Variants in ZNF841 observed in about 807,000 individuals in gnomAD.
The protein encoded by ZNF841 is TCONS_00006091.
Under a neutral mutation model 13.0 loss-of-function variants are expected in ZNF841, and 11 were observed. That is an observed-to-expected ratio of 0.85 (90% CI 0.53 to 1.40). The LOEUF is 1.40. Ranked by LOEUF, ZNF841 falls within the 40% of genes most tolerant of loss-of-function variation. The pLI is 0.00. For synonymous variants in ZNF841, 369 were observed against 381.6 expected, an observed-to-expected ratio of 0.97 and a Z score of 0.38; for missense variants, 1,068 against 1,139.5, an observed-to-expected ratio of 0.94 and a Z score of 0.90.
rs369375964 is a variant in ZNF841, at chr19:52,088,141, C to T, written c.-78+796G>A. ...ATGATTCCTGCACTCCCAAAAGACC[C>T]CGCAGAAGTCACCATGAAAAGTGCT... On this transcript the variant is annotated intron_variant, in intron 3 of 6. Transcript: ENST00000594440. Among the ~76,000 whole-genome samples the T allele has an allele frequency of 2.0e-4, 31 of 152,080 alleles. No homozygotes were observed. In the South Asian group the frequency reaches 2.3e-3, roughly 11 times the overall value.
In ZNF841 at chr19:52,084,836, G is replaced by T; in HGVS notation, c.-35C>A. Reference sequence around the variant, plus strand: ...CTTTTCTTTCTTCTTTCTCTCCTGGGCCTCTCTCTCAGTCAATATAATTAA... The same window carrying T: ...CTTTTCTTTCTTCTTTCTCTCCTGGTCCTCTCTCTCAGTCAATATAATTAA... On this transcript the variant is annotated 5_prime_UTR_variant, in exon 4 of 7. Coordinates refer to ENST00000594440, the MANE Select transcript of ZNF841 (RefSeq NM_001136499.2). The T allele has an allele frequency of 6.2e-7, 1 of 1,605,906 alleles. No individual in the cohort carries two copies. The highest frequency in any genetic ancestry group is 8.5e-7 in the Non-Finnish European group (1 of 1,176,272).
intron 1 of ZNF841, among the ~76,000 whole-genome samples, chr19:52,094,900 T>C (rs1277389409): frequency 6.6e-6 from 1 of 152,148 alleles, no homozygotes; most frequent in East Asian, 1.9e-4. Flanking sequence ...CTGCTACTTT[T>C]TCCATCCGTT....
At position 52,093,407 on chromosome 19, in the gene ZNF841, A is replaced by T. The variant is rs558002961; in HGVS notation, c.-144+439T>A. Among the ~76,000 whole-genome samples the T allele has an allele frequency of 4.6e-5, 7 of 152,334 alleles. No homozygotes were observed. The South Asian group carries it at 1.0e-3, about 23-fold the overall frequency. ...CTGTATGACCTCACAAGTGGAATCT[A>T]AAAAAGTCCAATTGATAGTAACAGG... On this transcript the variant is annotated intron_variant, in intron 2 of 6. Coordinates refer to ENST00000594440, the MANE Select transcript of ZNF841 (RefSeq NM_001136499.2).
chr19:52,078,330 C>T (rs2087974393), intron 4 of ZNF841, among the ~76,000 whole-genome samples: 1 of 152,018 alleles, frequency 6.6e-6, no homozygotes, highest in East Asian at 1.9e-4. Flanking sequence ...CACAGAAGCA[C>T]ACACATAATA....
intron 2 of ZNF841, among the ~76,000 whole-genome samples, chr19:52,093,099 G>A (rs1358231140): frequency 6.6e-6 from 1 of 152,174 alleles, no homozygotes; most frequent in Non-Finnish European, 1.5e-5. Flanking sequence ...CTGGACAACA[G>A]GGTGAGGCTC....
At chr19:52,091,022 A>G (rs2088480165) in intron 2 of ZNF841, among the ~76,000 whole-genome samples, 1 of 152,182 alleles carries the variant, frequency 6.6e-6, no homozygotes, top group Non-Finnish European at 1.5e-5. Flanking sequence ...TTTACTCAAT[A>G]AATATGAAGG....
chr19:52,063,043 T>C (rs915043644), downstream of ZNF841, among the ~76,000 whole-genome samples: 52 of 151,860 alleles, frequency 3.4e-4, no homozygotes, highest in Non-Finnish European at 2.2e-4. Flanking sequence ...GCCTGGCTAA[T>C]TATTTGTATT....
intron 4 of ZNF841, among the ~76,000 whole-genome samples, chr19:52,080,160 C>G (rs2088051608): frequency 6.6e-6 from 1 of 152,000 alleles, no homozygotes; most frequent in South Asian, 2.1e-4. Context: ...GCATATATAC[C>G]ATGGCACTTA....
In ZNF841 at chr19:52,064,787, C is replaced by T. The variant is rs916352095; in HGVS notation, c.*320G>A. 6.9e-5 allele frequency: 12 copies of T among 173,782 alleles called. No individual in the cohort carries two copies. The East Asian group carries it at 1.4e-3, about 20-fold the overall frequency. The allele number at this position is 173,782 out of a possible 1,614,324, so 10.8% of individuals were successfully genotyped here. ...TAGCTGGTACTACCAGTACCCGCCACGAAGCCCAGCTAATTTTTGTATTTT... is the reference window on the plus strand; with the variant it reads ...TAGCTGGTACTACCAGTACCCGCCATGAAGCCCAGCTAATTTTTGTATTTT... On this transcript the variant is annotated 3_prime_UTR_variant, in exon 7 of 7. Transcript: ENST00000594440.
downstream of ZNF841, among the ~76,000 whole-genome samples, chr19:52,064,172 G>A (rs542359762): frequency 2.6e-5 from 4 of 151,102 alleles, no homozygotes; most frequent in South Asian, 4.2e-4. Flanking sequence ...GTGAAACCCC[G>A]TCTCTACTAA....
rs757542122 is a variant in ZNF841 at position 52,066,879 on chromosome 19, G to C, written c.1003C>G (p.His335Asp). The change falls in exon 7 of 7, where the codon CAC (histidine) becomes GAC (aspartate). Residue 335 changes from histidine (H) to aspartate (D), a missense_variant. Physicochemically the swap from His to Asp is moderately conservative, Grantham distance 81. Coordinates refer to ENST00000594440, the MANE Select transcript of ZNF841 (RefSeq NM_001136499.2). ...TTGTCTCCAGTGTGACTTCTCCGGT[G>C]ATTTACAAGATCTGAATTTTGTCTG... The part of the protein sequence containing the change: ...IFRQNSDLVN[H>D]RRSHTGDKPY... 1.2e-6 allele frequency: 2 copies of C among 1,614,028 alleles called. No individual in the cohort carries two copies. Among genetic ancestry groups the C allele is most frequent in the Non-Finnish European group, 1.7e-6 (2 of 1,180,034 alleles).
intron 2 of ZNF841, among the ~76,000 whole-genome samples, chr19:52,092,977 G>A (rs533258932): frequency 1.3e-5 from 2 of 152,176 alleles, no homozygotes; most frequent in Non-Finnish European, 2.9e-5. Context: ...AAAGCTGGGC[G>A]TGGTGGCGGG....
At chr19:52,070,319 CAAG>C (rs1326416863) in intron 6 of ZNF841, among the ~76,000 whole-genome samples, 1 of 152,120 alleles carries the variant, frequency 6.6e-6, no homozygotes, top group Non-Finnish European at 1.5e-5. Context: ...GAATAAAAGA[CAAG>C]AGACAAAAGA....
Position 52,076,126 on chromosome 19 carries a change from C to T in ZNF841, c.189G>A (p.Gly63=). The T allele has an allele frequency of 1.3e-6, 2 of 1,557,254 alleles. No individual in the cohort carries two copies. The highest frequency in any genetic ancestry group is 8.7e-7 in the Non-Finnish European group (1 of 1,149,786). Residue 63 remains glycine, a synonymous_variant, in exon 6 of 7, where the codon GGG becomes GGA. Coordinates refer to ENST00000594440, the MANE Select transcript of ZNF841 (RefSeq NM_001136499.2). ...GGCTCACCACAGTCCAGGGCTCTTTCCCTTGCTCCAACATGGAGATAATAT... is the reference window on the plus strand; with the variant it reads ...GGCTCACCACAGTCCAGGGCTCTTTTCCTTGCTCCAACATGGAGATAATAT... ...DLNIISMLEQ[G]KEPWTVVSQV...
At position 52,065,551 on chromosome 19, in the gene ZNF841, G is replaced by C. The variant is rs2087521881; in HGVS notation, c.2331C>G (p.Arg777=). 4 of 1,613,788 alleles carry C rather than the reference G, an allele frequency of 2.5e-6. No homozygotes were observed. Among genetic ancestry groups the C allele is most frequent in the Middle Eastern group, 1.6e-4 (1 of 6,062 alleles). The change falls in exon 7 of 7, where the codon CGC becomes CGG. Residue 777 remains arginine, a synonymous_variant. Coordinates refer to ENST00000594440, the MANE Select transcript of ZNF841 (RefSeq NM_001136499.2). ...TACTCCAATGACGTGCGAGGCCTGA[G>C]CGATAACGGAAGACCTTGCCACATT... ...CNECGKVFRY[R]SGLARHWSIH...
At chr19:52,069,304 A>C (rs2087676633) in intron 6 of ZNF841, among the ~76,000 whole-genome samples, 1 of 152,070 alleles carries the variant, frequency 6.6e-6, no homozygotes, top group Non-Finnish European at 1.5e-5. Context: ...GGAACTCCTA[A>C]GCTCAAACAA....
intron 6 of ZNF841, among the ~76,000 whole-genome samples, chr19:52,073,460 G>A (rs1192344625): frequency 4.0e-5 from 6 of 151,856 alleles, no homozygotes; most frequent in Non-Finnish European, 7.4e-5. Context: ...CACCACACCC[G>A]GCTAATTTTT....
chr19:52,062,862 T>C (rs1312399189), downstream of ZNF841, among the ~76,000 whole-genome samples: 1 of 149,460 alleles, frequency 6.7e-6, no homozygotes, highest in African/African-American at 2.5e-5. Context: ...ACATGGAATC[T>C]GTTGAGAAAT....
rs540712618 is a variant in ZNF841, at chr19:52,082,526, G to A, written c.15+2261C>T. ...AAACTTCATATTTTATAATCACACCGTGAGCCAGGCCTTCCAGAAGATAAA... is the reference window on the plus strand; with the variant it reads ...AAACTTCATATTTTATAATCACACCATGAGCCAGGCCTTCCAGAAGATAAA... On this transcript the variant is annotated intron_variant, in intron 4 of 6. Coordinates refer to ENST00000594440, the MANE Select transcript of ZNF841 (RefSeq NM_001136499.2). 2.4e-3 allele frequency among the ~76,000 whole-genome samples: 365 copies of A among 152,170 alleles called. 1 individual carries two copies. Among genetic ancestry groups the A allele is most frequent in the Non-Finnish European group, 3.8e-3 (260 of 67,998 alleles).
Sources: gnomAD v4.1 joint callset for allele counts (sites outside exome capture counted in the v4.1 genomes callset) on GRCh38, gnomAD v4.1.1 for gene constraint, MANE v1.5 for transcripts, NCBI Gene and HGNC (gene_info 2026-07-23, HGNC 2026-07-21) for gene names.